The following WASF3 variants were observed in gnomAD, a reference collection of about 807,000 sequenced individuals.
WASF3 encodes the protein actin-binding protein WASF3.
Under a neutral mutation model 46.6 loss-of-function variants are expected in WASF3, and 11 were observed. That is an observed-to-expected ratio of 0.24 (90% CI 0.15 to 0.39). The LOEUF (loss-of-function observed/expected upper bound fraction) is 0.39. Ranked by LOEUF, WASF3 falls within the 10% of genes least tolerant of loss-of-function variation. The pLI is 1.00. For missense variants in WASF3, 576 were observed against 669.8 expected (o/e 0.86, Z 1.55); for synonymous variants, 242 against 259.7 (o/e 0.93, Z 0.65).
rs1593177928 is a variant in WASF3, at chr13:26,664,280, TG to T, written c.134-747del. Among the ~76,000 whole-genome samples, 4 of 152,366 alleles carry T rather than the reference TG, an allele frequency of 2.6e-5. No homozygotes were observed. In the East Asian group the frequency reaches 7.7e-4, roughly 29 times the overall value. ...GTCTGTCAGAAAAGTTAAGGTGAGA[TG>T]TGCCTTGCACACTCAGAGTAGGCAG... On this transcript the variant is annotated intron_variant, in intron 3 of 9. Coordinates refer to ENST00000335327, the MANE Select transcript of WASF3 (RefSeq NM_006646.6).
intron 2 of WASF3, among the ~76,000 whole-genome samples, chr13:26,617,663 A>G (rs1200996153): frequency 6.6e-6 from 1 of 152,294 alleles, no homozygotes; most frequent in African/African-American, 2.4e-5. Context: ...TTTCTATCTC[A>G]TTTTATAAGA....
At chr13:26,577,176 A>G (rs1041548841) in intron 1 of WASF3, 7 of 755,626 alleles carry the variant, frequency 9.3e-6, no homozygotes, top group African/African-American at 8.5e-5. Flanking sequence ...AAAACTTCCT[A>G]ACTTCCTTGG....
chr13:26,630,956 T>G (rs945706618), intron 2 of WASF3, among the ~76,000 whole-genome samples: 41 of 152,380 alleles, frequency 2.7e-4, no homozygotes, highest in African/African-American at 7.9e-4. Flanking sequence ...CATAAATGTC[T>G]TCTTTTGAGA....
At chr13:26,539,655 A>G in the WASF3 span, among the ~76,000 whole-genome samples, 1 of 152,084 alleles carries the variant, frequency 6.6e-6, no homozygotes, top group African/African-American at 2.4e-5. Context: ...CCTCTACCCC[A>G]TCACACATCT....
chr13:26,676,830 C>A lies in WASF3; in HGVS notation c.716+106C>A, dbSNP rs1593185212. 5.6e-6 allele frequency: 6 copies of A among 1,069,170 alleles called. No homozygotes were observed. In the South Asian group the frequency reaches 1.1e-4, roughly 19 times the overall value. The allele number at this position is 1,069,170 out of a possible 1,614,324, so 66.2% of individuals were successfully genotyped here. ...TCAATAGCTTCGGGGTTTATATGGC[C>A]CTTGATGTCTTAAGATTTTCCTTAA... On this transcript the variant is annotated intron_variant, in intron 7 of 9. Transcript: ENST00000335327.
intron 3 of WASF3, among the ~76,000 whole-genome samples, chr13:26,657,213 C>T (rs1882491933): frequency 6.6e-6 from 1 of 152,234 alleles, no homozygotes; most frequent in African/African-American, 2.4e-5. Flanking sequence ...GGACTGAGAG[C>T]AGCCCTCTGG....
At chr13:26,574,453 CTT>C (rs1353750630) in intron 1 of WASF3, among the ~76,000 whole-genome samples, 4 of 151,432 alleles carry the variant, frequency 2.6e-5, no homozygotes, top group African/African-American at 9.7e-5. Flanking sequence ...ATTCAGATAA[CTT>C]TTGTCTTGAT....
At chr13:26,547,281 G>C in the WASF3 span, among the ~76,000 whole-genome samples, 1 of 151,922 alleles carries the variant, frequency 6.6e-6, no homozygotes, top group African/African-American at 2.4e-5. Context: ...CCTTAAATCT[G>C]TGCAATAATA....
intron 1 of WASF3, among the ~76,000 whole-genome samples, chr13:26,564,568 C>A (rs1879400455): frequency 6.6e-6 from 1 of 152,168 alleles, no homozygotes; most frequent in South Asian, 2.1e-4. Flanking sequence ...AGCATCCTCT[C>A]ATTGAGAGCT....
At chr13:26,577,349 G>T in intron 1 of WASF3, 1 of 763,236 alleles carries the variant, frequency 1.3e-6, no homozygotes, top group Non-Finnish European at 2.4e-6. Context: ...AACCTTTTAT[G>T]CTCAGCACCA....
At chr13:26,659,347 T>TGGAGTG (rs1410318700) in intron 3 of WASF3, among the ~76,000 whole-genome samples, 1 of 152,108 alleles carries the variant, frequency 6.6e-6, no homozygotes, top group East Asian at 1.9e-4. Flanking sequence ...CCAGGGTAGT[T>TGGAGTG]GGAGTGGGAC....
At chr13:26,596,667 G>A (rs1233965961) in intron 1 of WASF3, among the ~76,000 whole-genome samples, 3 of 151,892 alleles carry the variant, frequency 2.0e-5, no homozygotes, top group Non-Finnish European at 4.4e-5. Flanking sequence ...TCGATCTGTG[G>A]GTTGATGTCC....
intron 1 of WASF3, among the ~76,000 whole-genome samples, chr13:26,560,217 T>C (rs977752829): frequency 6.6e-6 from 1 of 152,148 alleles, no homozygotes; most frequent in Non-Finnish European, 1.5e-5. Flanking sequence ...AACTAAATGC[T>C]TCTGACAGCC....
intron 1 of WASF3, among the ~76,000 whole-genome samples, chr13:26,589,746 T>C (rs1293228494): frequency 2.6e-5 from 4 of 152,114 alleles, no homozygotes; most frequent in African/African-American, 9.7e-5. Flanking sequence ...TAGTTTGGGG[T>C]GTAGGATACC....
At chr13:26,605,066 C>T (rs1029744859) in intron 1 of WASF3, among the ~76,000 whole-genome samples, 1 of 152,172 alleles carries the variant, frequency 6.6e-6, no homozygotes, top group African/African-American at 2.4e-5. Flanking sequence ...TGCTTCCACC[C>T]TCAGGACCTC....
intron 1 of WASF3, among the ~76,000 whole-genome samples, chr13:26,561,982 A>C (rs1219303950): frequency 6.6e-6 from 1 of 152,176 alleles, no homozygotes; most frequent in Non-Finnish European, 1.5e-5. Flanking sequence ...CTCTCTATTA[A>C]AGTGTACTTT....
At chr13:26,565,230 T>A (rs1879428078) in intron 1 of WASF3, among the ~76,000 whole-genome samples, 1 of 151,136 alleles carries the variant, frequency 6.6e-6, no homozygotes, top group African/African-American at 2.4e-5. Context: ...GCTCATGAAT[T>A]TCAAAACTTG....
intron 1 of WASF3, among the ~76,000 whole-genome samples, chr13:26,592,672 A>G (rs988097889): frequency 1.3e-5 from 2 of 152,176 alleles, no homozygotes; most frequent in African/African-American, 4.8e-5. Flanking sequence ...AATGCATCAC[A>G]TTAGGGTTGG....
chr13:26,583,302 C>T (rs753294296), intron 1 of WASF3, among the ~76,000 whole-genome samples: 3 of 152,138 alleles, frequency 2.0e-5, no homozygotes, highest in South Asian at 2.1e-4. Context: ...AATTATTTTC[C>T]GTAATGGTTA....
Sources: allele counts gnomAD v4.1 joint callset (sites outside exome capture counted in the v4.1 genomes callset), GRCh38; gene constraint gnomAD v4.1.1; transcripts MANE v1.5; gene names NCBI Gene and HGNC (gene_info 2026-07-23, HGNC 2026-07-21).